DNAH3: variants seen among roughly 807,000 people sequenced by gnomAD.
DNAH3 encodes the protein dynein axonemal heavy chain 3, also known as axonemal beta dynein heavy chain 3.
DNAH3 carries 332 observed loss-of-function variants against 432.5 expected under a neutral mutation model. That is an observed-to-expected ratio of 0.77 (90% CI 0.70 to 0.84). The LOEUF (loss-of-function observed/expected upper bound fraction) is 0.84, where lower values mean the gene tolerates loss of function less well. DNAH3 is among the 40% of genes least tolerant of loss of function. DNAH3 has a pLI of 0.00. For missense variants in DNAH3, 4,861 were observed against 5,114.0 expected, an observed-to-expected ratio of 0.95 and a Z score of 1.51; for synonymous variants, 1,956 against 1,900.2, an observed-to-expected ratio of 1.03 and a Z score of -0.76.
rs534639424 is a variant in DNAH3 at position 21,085,818 on chromosome 16, A to G, written c.2877+1031T>C. Among the ~76,000 whole-genome samples, 9 of 151,984 alleles carry G rather than the reference A, an allele frequency of 5.9e-5. 1 individual carries two copies. Among genetic ancestry groups the G allele is most frequent in the Admixed American group, 5.2e-4 (8 of 15,258 alleles). On this transcript the variant is annotated intron_variant, in intron 19 of 61. Coordinates refer to ENST00000261383, the Ensembl canonical transcript of DNAH3. ...TTTGTCCCCCCGTTACCCAGGCTGGAGTGCAGTGACACGATCATGGCTCAA... is the reference window on the plus strand; with the variant it reads ...TTTGTCCCCCCGTTACCCAGGCTGGGGTGCAGTGACACGATCATGGCTCAA...
At chr16:20,935,153 C>T (rs576420134) in intron 61 of DNAH3, among the ~76,000 whole-genome samples, 195 bp downstream of exon 61, 1 of 152,240 alleles carries the variant, frequency 6.6e-6, no homozygotes, top group East Asian at 1.9e-4. Flanking sequence ...TACACAGAGA[C>T]AAAGCATTGG....
rs185646033 is a variant in DNAH3, at chr16:21,123,950, A to G, written c.1404+1225T>C. ...TGGGACTACAGGCACACACCACCAC[A>G]CCCGGCTAATTTTTGTATTTTTAGT... On this transcript the variant is annotated intron_variant, in intron 9 of 61. Transcript: ENST00000261383. Among the ~76,000 whole-genome samples, 430 of 151,242 alleles carry G rather than the reference A, an allele frequency of 2.8e-3. 14 individuals carry two copies. Among genetic ancestry groups the G allele is most frequent in the Middle Eastern group, 0.01 (3 of 294 alleles).
intron 57 of DNAH3, 91 bp downstream of exon 57, chr16:20,948,392 G>A: frequency 1.5e-6 from 2 of 1,375,136 alleles, no homozygotes; most frequent in Non-Finnish European, 2.0e-6. Context: ...GGTCACCCCT[G>A]GGATCCCTGG....
chr16:20,988,013 G>C lies in DNAH3; in HGVS notation c.6654C>G (p.Asp2218Glu), dbSNP rs141394318. The C allele has an allele frequency of 4.3e-6, 7 of 1,614,140 alleles. No individual in the cohort carries two copies. The South Asian group carries it at 6.6e-5, about 15-fold the overall frequency. Reference sequence around the variant, plus strand: ...TCGAACTGAAAATCTTGGTTAAAATGTCATCCTCAAAGGCATTGATGGAAA... The same window carrying C: ...TCGAACTGAAAATCTTGGTTAAAATCTCATCCTCAAAGGCATTGATGGAAA... The change falls in exon 45 of 62, where the codon GAC becomes GAG. Residue 2218 changes from aspartate to glutamate, a missense_variant. Transcript: ENST00000261383.
At position 21,088,952 on chromosome 16, in the gene DNAH3, G is replaced by T. The variant is rs575216885; in HGVS notation, c.2666-1892C>A. ...TGCCTATTCTAACTCCCCACTAAAT[G>T]ATCAAAGGCAGATAATAAAGGGAAA... is the stretch of plus-strand genomic sequence containing the variant. On this transcript the variant is annotated intron_variant, in intron 18 of 61. Coordinates refer to ENST00000261383, the Ensembl canonical transcript of DNAH3. Among the ~76,000 whole-genome samples the T allele has an allele frequency of 5.5e-4, 84 of 152,276 alleles. 1 individual carries two copies. Among genetic ancestry groups the T allele is most frequent in the Non-Finnish European group, 7.4e-5 (5 of 68,018 alleles).
chr16:20,993,386 C>T (rs2086636567), intron 44 of DNAH3, among the ~76,000 whole-genome samples: 1 of 152,148 alleles, frequency 6.6e-6, no homozygotes, highest in African/African-American at 2.4e-5. Context: ...ATATCAGTCT[C>T]TCCACAGTCA....
intron 52 of DNAH3, among the ~76,000 whole-genome samples, chr16:20,965,717 CATTT>C (rs2085025560): frequency 6.6e-6 from 1 of 152,022 alleles, no homozygotes; most frequent in Admixed American, 6.6e-5. Flanking sequence ...TTTATTTATT[CATTT>C]ATTTATTTTG....
chr16:21,104,739 T>C (rs1346425972), intron 15 of DNAH3, 145 bp from the exon 16 acceptor site: 9 of 585,948 alleles, frequency 1.5e-5, no homozygotes, highest in Non-Finnish European at 1.9e-5. Flanking sequence ...GTGACATTTG[T>C]TGAGCACTTA....
At chr16:21,087,207 C>T in intron 18 of DNAH3, 147 bp from the exon 19 acceptor site, 1 of 675,192 alleles carries the variant, frequency 1.5e-6, no homozygotes. Flanking sequence ...CTGCACTTAG[C>T]CAGTGGAACC....
chr16:21,121,920 A>G, intron 10 of DNAH3, 25 bp downstream of exon 11: 1 of 1,560,160 alleles, frequency 6.4e-7, no homozygotes, highest in Non-Finnish European at 8.7e-7. Flanking sequence ...AATCATGCAA[A>G]TGAATGATTA....
intron 47 of DNAH3, among the ~76,000 whole-genome samples, chr16:20,986,804 T>C (rs2086221965): frequency 6.6e-6 from 1 of 152,190 alleles, no homozygotes; most frequent in African/African-American, 2.4e-5. Context: ...ACTTGAAATT[T>C]TTCTATGGAG....
rs574195567 is a variant in DNAH3, at chr16:21,111,423, C to A, written c.2099+203G>T. On this transcript the variant is annotated intron_variant, in intron 14 of 61. Coordinates refer to ENST00000261383, the Ensembl canonical transcript of DNAH3. ...CTGCTAACAAATGCCCTCCACCCGC[C>A]TACTCCAACCCCCATGTCGCTTTCT... 3.3e-5 allele frequency among the ~76,000 whole-genome samples: 5 copies of A among 152,286 alleles called. No homozygotes were observed. The South Asian group carries it at 1.0e-3, about 32-fold the overall frequency.
chr16:21,087,368 G>C (rs1379063871), intron 18 of DNAH3, among the ~76,000 whole-genome samples: 2 of 152,144 alleles, frequency 1.3e-5, no homozygotes, highest in African/African-American at 4.8e-5. Context: ...TGTACAATTA[G>C]CATATCAATA....
intron 9 of DNAH3, 45 bp from the exon 11 acceptor site, chr16:21,122,169 T>A: frequency 6.5e-7 from 1 of 1,532,892 alleles, no homozygotes; most frequent in Admixed American, 2.0e-5. Flanking sequence ...AATTGGGCCT[T>A]CCAAAATCAA....
At chr16:20,942,123 G>A (rs1312723667) in intron 58 of DNAH3, among the ~76,000 whole-genome samples, 1 of 151,762 alleles carries the variant, frequency 6.6e-6, no homozygotes, top group Non-Finnish European at 1.5e-5. Flanking sequence ...GAGCCGAAGG[G>A]CCAGGAAGGG....
chr16:21,129,385 G>C (rs1343234888), intron 7 of DNAH3: 1 of 152,360 alleles, frequency 6.6e-6, no homozygotes, highest in African/African-American at 2.4e-5. Context: ...GGTTGTGCAG[G>C]ATCTGCCCCT....
At position 21,112,111 on chromosome 16, in the gene DNAH3, AG is replaced by A. The variant is rs770137584; in HGVS notation, c.1815-14del. The A allele has an allele frequency of 1.3e-6, 2 of 1,567,510 alleles. No individual in the cohort carries two copies. Among genetic ancestry groups the A allele is most frequent in the Non-Finnish European group, 1.8e-6 (2 of 1,141,234 alleles). ...GACATTTAAATATCTTCCATATTGA[AG>A]GGTGTGAAATCAAACACACAAATAT... On this transcript the variant is annotated splice_polypyrimidine_tract_variant and intron_variant, in intron 12 of 61. Coordinates refer to ENST00000261383, the Ensembl canonical transcript of DNAH3.
chr16:20,951,695 A>G (rs966403551), intron 56 of DNAH3, among the ~76,000 whole-genome samples: 1 of 149,800 alleles, frequency 6.7e-6, no homozygotes, highest in South Asian at 2.1e-4. Context: ...TCGGTCTCCC[A>G]AAGTGCTGGG....
At position 21,000,278 on chromosome 16, in the gene DNAH3, G is replaced by A. The variant is rs1207220417; in HGVS notation, c.6367C>T (p.Arg2123Ter). 2.7e-5 allele frequency: 44 copies of A among 1,613,952 alleles called. No individual in the cohort carries two copies. Among genetic ancestry groups the A allele is most frequent in the Non-Finnish European group, 3.5e-5 (41 of 1,180,010 alleles). ...GGAGGCCCGAAAAGGCCCTTCCGTC[G>A]TCGATCCAGCTTGGACATGATGATA... Residue 2123 changes from arginine to a stop codon, truncating the protein, a stop_gained, in exon 43 of 62, where the codon CGA (arginine) becomes TGA (stop). Coordinates refer to ENST00000261383, the Ensembl canonical transcript of DNAH3. LOFTEE classifies it high-confidence loss of function.
Sources: allele counts gnomAD v4.1 joint callset (sites outside exome capture counted in the v4.1 genomes callset), GRCh38; gene constraint gnomAD v4.1.1; transcripts MANE v1.5; gene names NCBI Gene and HGNC (gene_info 2026-07-23, HGNC 2026-07-21).